Variants in HORMAD1 observed in about 807,000 individuals in gnomAD.
The protein encoded by HORMAD1 is HORMA domain-containing protein 1.
Under a neutral mutation model 58.2 loss-of-function variants are expected in HORMAD1, and 33 were observed. That is an observed-to-expected ratio of 0.57 (90% CI 0.43 to 0.76). The LOEUF is 0.76. Ranked by LOEUF, HORMAD1 falls within the 30% of genes least tolerant of loss-of-function variation. The pLI is 0.00. For synonymous variants in HORMAD1, 137 were observed against 144.6 expected (o/e 0.95, Z 0.38); for missense variants, 363 against 462.0 (o/e 0.79, Z 1.96).
chr1:150,699,974 A>ATT lies in HORMAD1; in HGVS notation c.1104+137_1104+138insAA, dbSNP rs1651488992. The ATT allele has an allele frequency of 1.6e-5, 8 of 489,842 alleles. No individual in the cohort carries two copies. The Admixed American group carries it at 2.4e-4, about 15-fold the overall frequency. 30.3% of individuals were successfully genotyped at this position (489,842 alleles called of 1,614,324 possible). ...ATCACCTCGATTTTTAGAACAAAATATATTTAAACAAAATTTGAATATCAG... is the reference window on the plus strand; with the variant it reads ...ATCACCTCGATTTTTAGAACAAAATATTTATTTAAACAAAATTTGAATATCAG... On this transcript the variant is annotated intron_variant, in intron 14 of 14. Transcript: ENST00000361824.
chr1:150,708,495 T>C, intron 8 of HORMAD1, 88 bp from the exon 9 acceptor site: 1 of 852,716 alleles, frequency 1.2e-6, no homozygotes. Flanking sequence ...GAGATTCTTA[T>C]TTCTATTATA....
Position 150,706,646 on chromosome 1 carries a change from G to C in HORMAD1, c.711C>G (p.Asp237Glu), listed in dbSNP as rs1262727369. ...TTTGTTTTGGTGATAGTATAGTTGA[G>C]TCAATATTTTCCATTCGTTCTCTCT... ...TTERERMENI[D>E]STILSPKQIK... The change falls in exon 10 of 15, where the codon GAC becomes GAG. Residue 237 changes from aspartate (D) to glutamate (E), a missense_variant. By Grantham distance (45) the Asp-to-Glu change is conservative (BLOSUM62 2). This residue lies in a region of HORMAD1 where 226 missense variants were observed against 257.8 expected (regional missense o/e 0.88). Transcript: ENST00000361824. The C allele has an allele frequency of 1.2e-6, 2 of 1,612,942 alleles. No homozygotes were observed. Among genetic ancestry groups the C allele is most frequent in the African/African-American group, 2.7e-5 (2 of 74,712 alleles).
intron 14 of HORMAD1, among the ~76,000 whole-genome samples, chr1:150,699,691 T>TC (rs1651480602): frequency 1.7e-5 from 2 of 117,220 alleles, no homozygotes; most frequent in Middle Eastern, 4.1e-3. Flanking sequence ...CGCCCAGCTA[T>TC]TTTTTTTTTT....
At chr1:150,706,027 C>G (rs919363742) in intron 10 of HORMAD1, among the ~76,000 whole-genome samples, 1 of 152,138 alleles carries the variant, frequency 6.6e-6, no homozygotes, top group Non-Finnish European at 1.5e-5. Context: ...ATACTTAGGA[C>G]GCACTAACTA....
rs746662043 is a variant in HORMAD1, at chr1:150,704,106, T to A, written c.948+12A>T. ...ACAAAACAAAAGTGAGATGAAACTA[T>A]CAAGTTTATACCTGAGAATGAGAAA... is the stretch of plus-strand genomic sequence containing the variant. On this transcript the variant is annotated intron_variant, in intron 12 of 14. Transcript: ENST00000361824. 4.5e-6 allele frequency: 7 copies of A among 1,543,748 alleles called. No homozygotes were observed. Among genetic ancestry groups the A allele is most frequent in the Non-Finnish European group, 5.3e-6 (6 of 1,142,264 alleles).
At chr1:150,720,322 A>G (rs1016735570) in intron 1 of HORMAD1, among the ~76,000 whole-genome samples, 2 of 152,038 alleles carry the variant, frequency 1.3e-5, no homozygotes, top group African/African-American at 4.8e-5. Flanking sequence ...TCGGCCCCCA[A>G]GGTGTTGGGA....
At chr1:150,714,435 A>G (rs587621816) in intron 4 of HORMAD1, among the ~76,000 whole-genome samples, 180 bp downstream of exon 4, 1 of 152,288 alleles carries the variant, frequency 6.6e-6, no homozygotes, top group East Asian at 1.9e-4. Flanking sequence ...TATTTTTCCA[A>G]ATACCCAGAC....
Position 150,704,197 on chromosome 1 carries a change from G to GT in HORMAD1, c.872-4dup. ...TTCCTCACAAACTAAACTTGGTTCT[G>GT]TAAAAAAAAAAAAAAAAAGTTACCC... On this transcript the variant is annotated splice_polypyrimidine_tract_variant and splice_region_variant and intron_variant, in intron 11 of 14. Transcript: ENST00000361824. The GT allele has an allele frequency of 9.7e-6, 13 of 1,338,002 alleles. No individual in the cohort carries two copies. Among genetic ancestry groups the GT allele is most frequent in the Admixed American group, 2.2e-5 (1 of 45,470 alleles). 82.9% of individuals were successfully genotyped at this position (1,338,002 alleles called of 1,614,324 possible).
intron 14 of HORMAD1, 152 bp downstream of exon 14, chr1:150,699,960 T>A: frequency 2.1e-6 from 1 of 469,306 alleles, no homozygotes; most frequent in Non-Finnish European, 3.7e-6. Flanking sequence ...TCACCTCGAT[T>A]TTTAGAACAA....
intron 2 of HORMAD1, 104 bp downstream of exon 2, chr1:150,719,369 A>G: frequency 1.4e-6 from 1 of 715,250 alleles, no homozygotes; most frequent in Non-Finnish European, 2.4e-6. Context: ...GGTATCATAA[A>G]ACCCTCAAAT....
chr1:150,700,009 G>A, intron 14 of HORMAD1, 103 bp downstream of exon 14: 1 of 570,668 alleles, frequency 1.8e-6, no homozygotes, highest in Non-Finnish European at 3.1e-6. Flanking sequence ...GAACTCTCAG[G>A]TACATCGAAA....
At chr1:150,720,018 A>T (rs953495430) in intron 1 of HORMAD1, among the ~76,000 whole-genome samples, 2 of 151,434 alleles carry the variant, frequency 1.3e-5, no homozygotes, top group South Asian at 4.2e-4. Context: ...GGTTCAAGCG[A>T]TTCTCCTGCC....
rs144890830 is a variant in HORMAD1 at position 150,705,890 on chromosome 1, G to A, written c.804+663C>T. On this transcript the variant is annotated intron_variant, in intron 10 of 14. Transcript: ENST00000361824. ...GAATAAATTGAGACACAGAATACAA[G>A]AGAGGTGAGATTAAAGGACATAATG... is the stretch of plus-strand genomic sequence containing the variant. 2.2e-3 allele frequency among the ~76,000 whole-genome samples: 332 copies of A among 152,302 alleles called. 1 individual carries two copies. The highest frequency in any genetic ancestry group is 6.8e-3 in the Middle Eastern group (2 of 292).
chr1:150,700,015 C>G, intron 14 of HORMAD1, 97 bp downstream of exon 14: 1 of 598,680 alleles, frequency 1.7e-6, no homozygotes. Context: ...TCAGGTACAT[C>G]GAAAGATATC....
chr1:150,701,168 C>T (rs1189873866), intron 13 of HORMAD1, among the ~76,000 whole-genome samples: 1 of 152,072 alleles, frequency 6.6e-6, no homozygotes, highest in Non-Finnish European at 1.5e-5. Flanking sequence ...AAATTTATGT[C>T]CCTAAATCAT....
At chr1:150,714,987 G>A (rs1652024996) in intron 3 of HORMAD1, among the ~76,000 whole-genome samples, 2 of 151,942 alleles carry the variant, frequency 1.3e-5, no homozygotes, top group South Asian at 4.1e-4. Flanking sequence ...GTTTCCTCAT[G>A]TTGGGCAGAC....
chr1:150,707,148 A>G (rs970223569), intron 9 of HORMAD1, among the ~76,000 whole-genome samples: 4 of 152,228 alleles, frequency 2.6e-5, no homozygotes, highest in Non-Finnish European at 4.4e-5. Context: ...GAACTGGCAC[A>G]TAGTAAATAC....
At chr1:150,708,734 G>C (rs185487716) in intron 8 of HORMAD1, among the ~76,000 whole-genome samples, 160 bp downstream of exon 8, 1 of 152,332 alleles carries the variant, frequency 6.6e-6, no homozygotes, top group East Asian at 1.9e-4. Flanking sequence ...ATCCTGGCTT[G>C]AAGCTACTGC....
At chr1:150,718,817 C>T (rs1460435131) in intron 2 of HORMAD1, among the ~76,000 whole-genome samples, 1 of 152,030 alleles carries the variant, frequency 6.6e-6, no homozygotes, top group African/African-American at 2.4e-5. Context: ...TAATTTTATT[C>T]TGCTTATATA....
Sources: gnomAD v4.1 joint callset for allele counts (sites outside exome capture counted in the v4.1 genomes callset) on GRCh38, gnomAD v4.1.1 for gene constraint, gnomAD v4.1.1 regional missense constraint, MANE v1.5 for transcripts, NCBI Gene and HGNC (gene_info 2026-07-23, HGNC 2026-07-21) for gene names.